Variants in OSBPL10 observed in about 807,000 individuals in gnomAD.
The protein encoded by OSBPL10 is oxysterol-binding protein-related protein 10.
Under a neutral mutation model 81.7 loss-of-function variants are expected in OSBPL10, and 49 were observed. The ratio of observed to expected loss-of-function variants is 0.60; its 90% CI spans 0.48 to 0.76. OSBPL10 has a LOEUF of 0.76. Among genes scored for constraint, OSBPL10 ranks in the 30% least tolerant of loss-of-function variants. OSBPL10 has a pLI of 0.00. For synonymous variants in OSBPL10, 419 were observed against 383.6 expected, an observed-to-expected ratio of 1.09 and a Z score of -1.08; for missense variants, 923 against 987.8, an observed-to-expected ratio of 0.93 and a Z score of 0.88.
Position 31,980,907 on chromosome 3 carries a change from C to T in OSBPL10, c.273G>A (p.Trp91Ter). The change falls in exon 1 of 12, where the codon TGG (tryptophan) becomes TGA (stop). Residue 91 changes from tryptophan (W) to a stop codon, truncating the protein, a stop_gained. Coordinates refer to ENST00000396556, the MANE Select transcript of OSBPL10 (RefSeq NM_017784.5). LOFTEE classifies it high-confidence loss of function. ...LSKYTNLLQG[W>*]QNRYFVLDFE... ...GGCGGCTGGCGCGTTACCTGTTCTG[C>T]CAGCCCTGGAGGAGGTTGGTGTATT... The T allele has an allele frequency of 1.9e-6, 3 of 1,572,562 alleles. No individual in the cohort carries two copies. The highest frequency in any genetic ancestry group is 2.6e-6 in the Non-Finnish European group (3 of 1,162,980).
chr3:31,748,628 C>T (rs1419104967), intron 4 of OSBPL10, among the ~76,000 whole-genome samples: 25 of 134,022 alleles, frequency 1.9e-4, no homozygotes, highest in Non-Finnish European at 1.6e-5. Flanking sequence ...ATGCTGAGCC[C>T]CCTTCGCTCG....
chr3:31,855,763 G>C (rs1239876682), intron 3 of OSBPL10, among the ~76,000 whole-genome samples: 1 of 152,022 alleles, frequency 6.6e-6, no homozygotes, highest in Non-Finnish European at 1.5e-5. Context: ...CCCCCACTCT[G>C]AACAACTGAC....
At chr3:31,805,170 G>A (rs924555257) in intron 4 of OSBPL10, among the ~76,000 whole-genome samples, 7 of 152,072 alleles carry the variant, frequency 4.6e-5, no homozygotes, top group Admixed American at 2.0e-4. Context: ...GCTTTTTCAC[G>A]GAAGGTATTT....
intron 2 of OSBPL10, among the ~76,000 whole-genome samples, chr3:32,036,133 C>T (rs1271461680): frequency 6.6e-6 from 1 of 152,188 alleles, no homozygotes; most frequent in Non-Finnish European, 1.5e-5. Flanking sequence ...CTGCAGCCTC[C>T]ATCTCCTGGG....
At chr3:31,876,278 C>T (rs1412895321) in intron 3 of OSBPL10, among the ~76,000 whole-genome samples, 155 bp downstream of exon 3, 1 of 152,150 alleles carries the variant, frequency 6.6e-6, no homozygotes, top group Non-Finnish European at 1.5e-5. Context: ...TTTCTCCTGG[C>T]TTTAAATTTA....
intron 4 of OSBPL10, among the ~76,000 whole-genome samples, chr3:31,792,805 G>A (rs956724899): frequency 4.2e-5 from 6 of 141,414 alleles, no homozygotes; most frequent in African/African-American, 1.6e-4. Flanking sequence ...AGACACACTG[G>A]GTGGGTGAGT....
chr3:31,840,193 G>C (rs963505108), intron 3 of OSBPL10, among the ~76,000 whole-genome samples: 2 of 152,062 alleles, frequency 1.3e-5, no homozygotes, highest in Non-Finnish European at 2.9e-5. Context: ...ATGGGGACAA[G>C]GGCTCCTATT....
intron 8 of OSBPL10, among the ~76,000 whole-genome samples, chr3:31,674,682 C>A (rs150568435): frequency 5.2e-4 from 79 of 152,310 alleles, no homozygotes; most frequent in African/African-American, 1.9e-3. Context: ...CATGTGACCC[C>A]CACACAGGGG....
chr3:31,727,862 G>C (rs1376123809), intron 6 of OSBPL10, among the ~76,000 whole-genome samples: 1 of 152,190 alleles, frequency 6.6e-6, no homozygotes, highest in Non-Finnish European at 1.5e-5. Context: ...AAAATGTGTT[G>C]AGGGGATTGT....
At chr3:32,051,193 G>A (rs1699667278) in intron 1 of OSBPL10, among the ~76,000 whole-genome samples, 1 of 152,158 alleles carries the variant, frequency 6.6e-6, no homozygotes, top group African/African-American at 2.4e-5. Context: ...CTAACAGGCT[G>A]GGACTGCTGG....
chr3:31,661,926 T>C lies in OSBPL10; in HGVS notation c.*146A>G. On this transcript the variant is annotated 3_prime_UTR_variant, in exon 12 of 12. Transcript: ENST00000396556. ...CTAGCAGAGTGTGGGGGTGCACTTT[T>C]CATAGTATATAATTTCTCTCTCTCT... is the stretch of plus-strand genomic sequence containing the variant. 1 of 1,236,542 alleles carries C rather than the reference T, an allele frequency of 8.1e-7. No homozygotes were observed. The highest frequency in any genetic ancestry group is 1.5e-5 in the South Asian group (1 of 66,588). 76.6% of individuals were successfully genotyped at this position (1,236,542 alleles called of 1,614,324 possible). A position where few individuals can be genotyped will look rare whatever the true frequency, so the allele number is the denominator to read the frequency against.
intron 7 of OSBPL10, among the ~76,000 whole-genome samples, chr3:31,699,608 A>G (rs1695832350): frequency 6.6e-6 from 1 of 152,190 alleles, no homozygotes; most frequent in Non-Finnish European, 1.5e-5. Context: ...AATTATTAAG[A>G]ATTTCAAGAC....
At chr3:31,769,340 G>A (rs1341368138) in intron 4 of OSBPL10, among the ~76,000 whole-genome samples, 2 of 147,916 alleles carry the variant, frequency 1.4e-5, no homozygotes, top group African/African-American at 4.9e-5. Context: ...AGCTACTCTG[G>A]ATGCTGAATC....
In OSBPL10 at chr3:31,810,497, T is replaced by A. The variant is rs543659227; in HGVS notation, c.729+19543A>T. On this transcript the variant is annotated intron_variant, in intron 4 of 11. Coordinates refer to ENST00000396556, the MANE Select transcript of OSBPL10 (RefSeq NM_017784.5). Reference sequence around the variant, plus strand: ...CTTTGACTATGAAAAAACAAAAAAATTTTAACACAGCTAAAAACATCCCAA... The same window carrying A: ...CTTTGACTATGAAAAAACAAAAAAAATTTAACACAGCTAAAAACATCCCAA... Among the ~76,000 whole-genome samples, 11 of 151,862 alleles carry A rather than the reference T, an allele frequency of 7.2e-5. No homozygotes were observed. In the South Asian group the frequency reaches 1.5e-3, roughly 20 times the overall value.
At chr3:31,912,931 C>A (rs1036834146) in intron 1 of OSBPL10, among the ~76,000 whole-genome samples, 16 of 152,170 alleles carry the variant, frequency 1.1e-4, no homozygotes, top group African/African-American at 2.9e-4. Context: ...ATATGAATAA[C>A]CTTGAGTCCA....
chr3:31,689,879 G>T (rs1317890780), intron 7 of OSBPL10, among the ~76,000 whole-genome samples: 2 of 152,068 alleles, frequency 1.3e-5, no homozygotes, highest in Non-Finnish European at 2.9e-5. Flanking sequence ...CATGAAAATG[G>T]ACTAACCCAA....
chr3:31,710,116 G>C (rs2125612438), intron 6 of OSBPL10, among the ~76,000 whole-genome samples: 1 of 152,258 alleles, frequency 6.6e-6, no homozygotes, highest in African/African-American at 2.4e-5. Flanking sequence ...TTGGAGATCT[G>C]GCTGCAGATA....
At chr3:31,786,616 C>T (rs2125783017) in intron 4 of OSBPL10, among the ~76,000 whole-genome samples, 1 of 152,268 alleles carries the variant, frequency 6.6e-6, no homozygotes, top group Admixed American at 6.5e-5. Context: ...ACCTCATGGC[C>T]TAATCACCTC....
At chr3:31,823,517 CTT>C (rs1234893020) in intron 4 of OSBPL10, among the ~76,000 whole-genome samples, 2 of 152,156 alleles carry the variant, frequency 1.3e-5, no homozygotes, top group Non-Finnish European at 2.9e-5. Flanking sequence ...ACATACATAA[CTT>C]TACGTTTTCT....
Sources: gnomAD v4.1 joint callset for allele counts (sites outside exome capture counted in the v4.1 genomes callset) on GRCh38, gnomAD v4.1.1 for gene constraint, MANE v1.5 for transcripts, NCBI Gene and HGNC (gene_info 2026-07-23, HGNC 2026-07-21) for gene names.